The following ELOVL5 variants were observed in gnomAD, a reference collection of about 807,000 sequenced individuals.
ELOVL5 encodes the protein ELOVL fatty acid elongase 5.
In ELOVL5, 8 loss-of-function variants were observed where a neutral mutation model predicts 38.6. The ratio of observed to expected loss-of-function variants is 0.21; its 90% confidence interval spans 0.12 to 0.37. ELOVL5 has a LOEUF of 0.37. ELOVL5 is among the 10% of genes least tolerant of loss of function. ELOVL5 has a pLI of 1.00. For missense variants in ELOVL5, 280 were observed against 367.8 expected (o/e 0.76, Z 1.95); for synonymous variants, 127 against 133.7 (o/e 0.95, Z 0.34).
At chr6:53,294,195 G>C (rs75237380) in intron 2 of ELOVL5, 5 of 1,466,934 alleles carry the variant, frequency 3.4e-6, no homozygotes, top group Non-Finnish European at 4.5e-6. Context: ...AGTGCTTCCC[G>C]GGCACCTGAC....
chr6:53,284,877 T>C (rs1360548099), intron 3 of ELOVL5, among the ~76,000 whole-genome samples: 1 of 152,194 alleles, frequency 6.6e-6, no homozygotes, highest in Non-Finnish European at 1.5e-5. Flanking sequence ...TGTTTTGAGG[T>C]GCCATGAACC....
chr6:53,300,766 T>C (rs556010966), intron 1 of ELOVL5, among the ~76,000 whole-genome samples: 4 of 152,276 alleles, frequency 2.6e-5, no homozygotes, highest in African/African-American at 9.6e-5. Flanking sequence ...TGCTCAGCAG[T>C]AGACAGAGGT....
At chr6:53,332,772 C>T (rs1235547266) in intron 1 of ELOVL5, among the ~76,000 whole-genome samples, 1 of 152,232 alleles carries the variant, frequency 6.6e-6, no homozygotes, top group Non-Finnish European at 1.5e-5. Context: ...TCATCAGGTA[C>T]TAGTTTCTTT....
intron 1 of ELOVL5, among the ~76,000 whole-genome samples, chr6:53,298,352 A>G (rs1031517393): frequency 5.3e-5 from 8 of 152,034 alleles, no homozygotes; most frequent in African/African-American, 9.7e-5. Flanking sequence ...TAAAACCTAG[A>G]TTCTATTACC....
intron 1 of ELOVL5, among the ~76,000 whole-genome samples, chr6:53,305,440 C>T (rs1767475529): frequency 6.6e-6 from 1 of 150,926 alleles, no homozygotes; most frequent in African/African-American, 2.4e-5. Context: ...CCTCACTTCC[C>T]AGACGGGGTG....
Position 53,275,127 on chromosome 6 carries a change from G to A in ELOVL5, c.459C>T (p.Ile153=), listed in dbSNP as rs1438276023. The change falls in exon 5 of 8, where the codon ATC becomes ATT. Residue 153 remains isoleucine, a synonymous_variant. Transcript: ENST00000304434. The stretch of plus-strand genomic sequence containing the variant: ...GGACCCAGTTCATCACAAACCACCA[G>A]ATGTTCAGCATCGAGGCATGGTGGT... ...HVYHHASMLN[I]WWFVMNWVPC... 1.2e-6 allele frequency: 2 copies of A among 1,614,006 alleles called. No individual in the cohort carries two copies.
chr6:53,298,538 G>C (rs1767112010), intron 1 of ELOVL5, among the ~76,000 whole-genome samples: 1 of 151,984 alleles, frequency 6.6e-6, no homozygotes, highest in Non-Finnish European at 1.5e-5. Flanking sequence ...CTGAAAAACG[G>C]GGAAAAGACC....
At chr6:53,323,926 C>T (rs1442245133) in intron 1 of ELOVL5, among the ~76,000 whole-genome samples, 1 of 152,004 alleles carries the variant, frequency 6.6e-6, no homozygotes, top group African/African-American at 2.4e-5. Context: ...TTCCCATATC[C>T]CTTTTAAAAT....
chr6:53,293,443 G>C (rs1483571293), intron 2 of ELOVL5, among the ~76,000 whole-genome samples: 3 of 152,098 alleles, frequency 2.0e-5, no homozygotes, highest in Non-Finnish European at 4.4e-5. Context: ...TTAGCCTCCA[G>C]AGTAGCTGGG....
At position 53,324,672 on chromosome 6, in the gene ELOVL5, C is replaced by CAAAAAAAAAAAAA. The variant is rs200304234; in HGVS notation, c.-9+24132_-9+24144dup. Among the ~76,000 whole-genome samples, 14 of 80,362 alleles carry CAAAAAAAAAAAAA rather than the reference C, an allele frequency of 1.7e-4. 1 individual carries two copies. Among genetic ancestry groups the CAAAAAAAAAAAAA allele is most frequent in the African/African-American group, 1.1e-3 (13 of 12,356 alleles). The allele number at this position is 80,362 out of a possible 152,430, so 52.7% of individuals were successfully genotyped here. A position where few individuals can be genotyped will look rare whatever the true frequency, so the allele number is the denominator to read the frequency against. On this transcript the variant is annotated intron_variant, in intron 1 of 7. Coordinates refer to ENST00000304434, the MANE Select transcript of ELOVL5 (RefSeq NM_021814.5). ...CCTGGTGACAAGAGGGAGATCCTGT[C>CAAAAAAAAAAAAA]AAAAAAAAAAAAAAAAAAAGGAAAA... is the stretch of plus-strand genomic sequence containing the variant.
chr6:53,278,178 C>T (rs145301114), intron 3 of ELOVL5, among the ~76,000 whole-genome samples: 5 of 152,124 alleles, frequency 3.3e-5, no homozygotes, highest in Non-Finnish European at 4.4e-5. Flanking sequence ...TTTTTTCCAG[C>T]GACTATTTTG....
At chr6:53,309,382 G>C (rs1041070187) in intron 1 of ELOVL5, among the ~76,000 whole-genome samples, 3 of 152,178 alleles carry the variant, frequency 2.0e-5, no homozygotes, top group Non-Finnish European at 2.9e-5. Context: ...ATGGGTGATA[G>C]GAAGAACCTG....
At chr6:53,305,427 GCTC>G (rs1359206960) in intron 1 of ELOVL5, among the ~76,000 whole-genome samples, 6 of 149,892 alleles carry the variant, frequency 4.0e-5, no homozygotes, top group South Asian at 4.2e-4. Flanking sequence ...GGGCGGAGAC[GCTC>G]CTCACTTCCC....
At chr6:53,315,384 G>T (rs1020958899) in intron 1 of ELOVL5, among the ~76,000 whole-genome samples, 1 of 152,212 alleles carries the variant, frequency 6.6e-6, no homozygotes, top group African/African-American at 2.4e-5. Flanking sequence ...TGAGAGTGGG[G>T]GGACACAAAC....
chr6:53,331,412 A>G (rs1435665956), intron 1 of ELOVL5, among the ~76,000 whole-genome samples: 1 of 152,244 alleles, frequency 6.6e-6, no homozygotes, highest in Non-Finnish European at 1.5e-5. Context: ...ATCCCTATCA[A>G]GCACTGTATA....
In ELOVL5 at chr6:53,277,955, T is replaced by C. The variant is rs531071272; in HGVS notation, c.247-1699A>G. Among the ~76,000 whole-genome samples the C allele has an allele frequency of 3.8e-4, 58 of 152,280 alleles. 1 individual carries two copies. The highest frequency in any genetic ancestry group is 1.3e-3 in the African/African-American group (52 of 41,562). On this transcript the variant is annotated intron_variant, in intron 3 of 7. Coordinates refer to ENST00000304434, the MANE Select transcript of ELOVL5 (RefSeq NM_021814.5). ...AGGAAACTGGTGCTTCTTGATGAAA[T>C]GTTTGTGGGACAACCGCGAATAAGA... is the stretch of plus-strand genomic sequence containing the variant.
chr6:53,294,494 GGAA>G, intron 2 of ELOVL5: 1 of 1,545,382 alleles, frequency 6.5e-7, no homozygotes, highest in Non-Finnish European at 8.7e-7. Context: ...GCTGATACCT[GGAA>G]GTGGCAAAGT....
chr6:53,325,891 AGCAATGATTTAAG>A (rs1183219244), intron 1 of ELOVL5, among the ~76,000 whole-genome samples: 1 of 152,250 alleles, frequency 6.6e-6, no homozygotes, highest in African/African-American at 2.4e-5. Flanking sequence ...AAACCAAGTC[AGCAATGATTTAAG>A]GCACATTAAA....
At chr6:53,299,099 T>C (rs1320903361) in intron 1 of ELOVL5, among the ~76,000 whole-genome samples, 1 of 152,004 alleles carries the variant, frequency 6.6e-6, no homozygotes, top group Non-Finnish European at 1.5e-5. Context: ...AAATGAGACA[T>C]TCATAATGGG....
Sources: gnomAD v4.1 joint callset for allele counts (sites outside exome capture counted in the v4.1 genomes callset) on GRCh38, gnomAD v4.1.1 for gene constraint, MANE v1.5 for transcripts, NCBI Gene and HGNC (gene_info 2026-07-23, HGNC 2026-07-21) for gene names.